The following PCDHA7 variants were observed in gnomAD, a reference collection of about 807,000 sequenced individuals.
PCDHA7 encodes the protein protocadherin alpha 7, also known as protocadherin alpha-7.
Under a neutral mutation model 57.2 loss-of-function variants are expected in PCDHA7, and 37 were observed. The observed-to-expected ratio is 0.65, with a 90% CI of 0.50 to 0.85. PCDHA7 has a LOEUF of 0.85. Ranked by LOEUF, PCDHA7 falls within the 40% of genes least tolerant of loss-of-function variation. The pLI is 0.00. For synonymous variants in PCDHA7, 553 were observed against 558.8 expected (o/e 0.99, Z 0.15); for missense variants, 1,188 against 1,241.8 (o/e 0.96, Z 0.65).
At chr5:140,856,441 G>C in intron 1 of PCDHA7, 1 of 1,598,410 alleles carries the variant, frequency 6.3e-7, no homozygotes. Flanking sequence ...ACCCGCCCAG[G>C]TTCTCCGTAA....
chr5:140,881,995 T>C, intron 1 of PCDHA7: 1 of 464,062 alleles, frequency 2.2e-6, no homozygotes, highest in Middle Eastern at 5.9e-4. Flanking sequence ...TGTCAGGAAA[T>C]GCAAGGGGCA....
intron 1 of PCDHA7, chr5:140,868,870 C>T: frequency 1.6e-6 from 1 of 619,808 alleles, no homozygotes; most frequent in Admixed American, 3.3e-5. Flanking sequence ...ATGCAGTGCA[C>T]AGTACTCACA....
chr5:140,986,114 T>A (rs1465954606), intron 3 of PCDHA7, among the ~76,000 whole-genome samples: 1 of 152,168 alleles, frequency 6.6e-6, no homozygotes, highest in Non-Finnish European at 1.5e-5. Flanking sequence ...AAGATAAAGA[T>A]GCCACACTCT....
chr5:141,009,905 G>A lies in PCDHA7; in HGVS notation c.2782G>A (p.Gly928Arg), dbSNP rs781954349. The change falls in exon 4 of 4, where the codon GGG becomes AGG. Residue 928 changes from glycine (G) to arginine (R), a missense_variant. Physicochemically the swap from Gly to Arg is moderately radical, Grantham distance 125. Coordinates refer to ENST00000525929, the MANE Select transcript of PCDHA7 (RefSeq NM_018910.3). ...GNKTQEKKEK[G>R]NSTTDNSDQ Reference sequence around the variant, plus strand: ...CAAGACCCAGGAGAAAAAAGAGAAAGGGAACAGCACGACTGACAACAGTGA... The same window carrying A: ...CAAGACCCAGGAGAAAAAAGAGAAAAGGAACAGCACGACTGACAACAGTGA... 7.4e-6 allele frequency: 12 copies of A among 1,613,058 alleles called. No homozygotes were observed. Among genetic ancestry groups the A allele is most frequent in the Non-Finnish European group, 1.0e-5 (12 of 1,179,832 alleles).
intron 1 of PCDHA7, among the ~76,000 whole-genome samples, chr5:140,898,705 A>C (rs1351081569): frequency 1.3e-5 from 2 of 152,142 alleles, no homozygotes; most frequent in Admixed American, 1.3e-4. Flanking sequence ...ACTTTAAAGT[A>C]GTTTTTTCCA....
intron 1 of PCDHA7, chr5:140,969,509 C>A: frequency 7.1e-7 from 1 of 1,416,136 alleles, no homozygotes; most frequent in Non-Finnish European, 9.4e-7. Context: ...AAAAATAGCA[C>A]TAAAGAATTG....
intron 1 of PCDHA7, among the ~76,000 whole-genome samples, chr5:140,925,793 A>G (rs1261267937): frequency 6.6e-6 from 1 of 152,074 alleles, no homozygotes; most frequent in African/African-American, 2.4e-5. Context: ...GTATCTCAGT[A>G]CTTTCCCCTC....
At chr5:141,005,696 C>A (rs1269379462) in intron 3 of PCDHA7, among the ~76,000 whole-genome samples, 1 of 105,034 alleles carries the variant, frequency 9.5e-6, no homozygotes, top group African/African-American at 4.2e-5. Flanking sequence ...AGCGAAACTC[C>A]GTCTCAAAAA....
Position 140,850,666 on chromosome 5 carries a change from C to A in PCDHA7, c.2355+13928C>A, listed in dbSNP as rs2150492830. 6.9e-6 allele frequency: 11 copies of A among 1,598,434 alleles called. 3 individuals carry two copies. Among genetic ancestry groups the A allele is most frequent in the Middle Eastern group, 1.7e-4 (1 of 5,998 alleles). ...CTGCTGTACACTGTGCTGCGGTGCT[C>A]GGCGATGCCCACCGAGGGCGAGTGC... On this transcript the variant is annotated intron_variant, in intron 1 of 3. Transcript: ENST00000525929.
At chr5:140,869,937 A>C (rs782444890) in intron 1 of PCDHA7, 1 of 1,612,006 alleles carries the variant, frequency 6.2e-7, no homozygotes, top group Non-Finnish European at 8.5e-7. Flanking sequence ...GAGAGGTAAC[A>C]TACTCCTTAA....
chr5:140,969,631 G>C (rs1554231956), intron 1 of PCDHA7: 1 of 227,796 alleles, frequency 4.4e-6, no homozygotes, highest in Non-Finnish European at 7.3e-6. Flanking sequence ...AAACAGGACA[G>C]GCCTTGGAAT....
intron 1 of PCDHA7, chr5:140,875,246 C>T: frequency 1.0e-6 from 1 of 955,372 alleles, no homozygotes; most frequent in Non-Finnish European, 1.5e-6. Context: ...CTTACATAAT[C>T]AGTCACATGA....
At chr5:140,876,662 T>C in intron 1 of PCDHA7, 1 of 1,614,232 alleles carries the variant, frequency 6.2e-7, no homozygotes, top group Non-Finnish European at 8.5e-7. Flanking sequence ...CCCTTCAAGC[T>C]GGTGTCCACC....
chr5:140,936,235 GA>G (rs1358431789), intron 1 of PCDHA7, among the ~76,000 whole-genome samples: 2 of 152,076 alleles, frequency 1.3e-5, no homozygotes, highest in African/African-American at 4.8e-5. Context: ...TCCTTTTAAA[GA>G]AAACATATCC....
At chr5:140,915,258 A>T (rs2077046977) in intron 1 of PCDHA7, among the ~76,000 whole-genome samples, 1 of 151,928 alleles carries the variant, frequency 6.6e-6, no homozygotes, top group South Asian at 2.1e-4. Context: ...GGTTGTTATT[A>T]TTTTTGACCA....
At chr5:140,932,688 TA>T (rs1214634464) in intron 1 of PCDHA7, among the ~76,000 whole-genome samples, 4 of 151,810 alleles carry the variant, frequency 2.6e-5, no homozygotes, top group African/African-American at 9.7e-5. Flanking sequence ...ATATTCAAAT[TA>T]AAAAACTCAT....
intron 1 of PCDHA7, chr5:140,877,603 C>G: frequency 6.2e-7 from 1 of 1,613,858 alleles, no homozygotes; most frequent in Non-Finnish European, 8.5e-7. Flanking sequence ...GTCCAGCCTG[C>G]TGGTGCTCAC....
rs2150483646 is a variant in PCDHA7 at position 140,850,423 on chromosome 5, C to G, written c.2355+13685C>G. ...CGTGCCCTGGACGAAACGGACGCAC[C>G]GCGCCAGCGCCTACTGGTGCTGGTG... is the stretch of plus-strand genomic sequence containing the variant. On this transcript the variant is annotated intron_variant, in intron 1 of 3. Transcript: ENST00000525929. 10 of 1,597,882 alleles carry G rather than the reference C, an allele frequency of 6.3e-6. 2 individuals are homozygous for G. Among genetic ancestry groups the G allele is most frequent in the Non-Finnish European group, 7.7e-6 (9 of 1,167,708 alleles).
At chr5:140,980,507 G>A (rs1274816745) in intron 2 of PCDHA7, among the ~76,000 whole-genome samples, 1 of 152,136 alleles carries the variant, frequency 6.6e-6, no homozygotes, top group African/African-American at 2.4e-5. Flanking sequence ...GCATGTGCCT[G>A]TAGTTCCAGC....
Sources: gnomAD v4.1 joint callset for allele counts (sites outside exome capture counted in the v4.1 genomes callset) on GRCh38, gnomAD v4.1.1 for gene constraint, MANE v1.5 for transcripts, NCBI Gene and HGNC (gene_info 2026-07-23, HGNC 2026-07-21) for gene names.